The following DPP9 variants were observed in gnomAD, a reference collection of about 807,000 sequenced individuals.
DPP9 encodes the protein dipeptidyl peptidase IV-related protein-2.
In DPP9, 50 loss-of-function variants were observed where a neutral mutation model predicts 110.7. The observed-to-expected ratio is 0.45, with a 90% confidence interval of 0.36 to 0.57. DPP9 has a LOEUF of 0.57. DPP9 is among the 20% of genes least tolerant of loss of function. The pLI, the probability that DPP9 is intolerant of heterozygous loss-of-function variation, is 0.00. For synonymous variants in DPP9, 561 were observed against 514.4 expected (o/e 1.09, Z -1.23); for missense variants, 1,022 against 1,217.9 (o/e 0.84, Z 2.39).
At chr19:4,722,628 G>A in intron 1 of DPP9, 77 bp from the exon 2 acceptor site, 7 of 698,674 alleles carry the variant, frequency 1.0e-5, no homozygotes, top group South Asian at 9.0e-5. Flanking sequence ...CCCCACTCAG[G>A]AGCTGCAGAC....
intron 7 of DPP9, among the ~76,000 whole-genome samples, chr19:4,703,488 T>C (rs1042802194): frequency 6.9e-6 from 1 of 145,982 alleles, no homozygotes; most frequent in Non-Finnish European, 1.5e-5. Context: ...AAAAAAAAAT[T>C]AGCCAGGCGT....
chr19:4,703,393 G>A (rs550612704), intron 7 of DPP9, among the ~76,000 whole-genome samples: 3 of 151,932 alleles, frequency 2.0e-5, no homozygotes, highest in African/African-American at 7.2e-5. Context: ...GGGAGGCCGA[G>A]GCAGGTAGAT....
intron 1 of DPP9, among the ~76,000 whole-genome samples, 167 bp downstream of exon 1, chr19:4,723,507 G>A (rs528955813): frequency 2.0e-5 from 3 of 152,332 alleles, no homozygotes; most frequent in Admixed American, 6.5e-5. Flanking sequence ...GGGGCGGAGA[G>A]GAAACGAGGC....
In DPP9 at chr19:4,694,345, T is replaced by C. The variant is rs1346125809; in HGVS notation, c.1516+316A>G. On this transcript the variant is annotated intron_variant, in intron 13 of 21. Transcript: ENST00000262960. This position sits in a 1 kb window ranked among gnomAD's most constrained non-coding sequence, Gnocchi z 4.0. ...ACAAGTGGCTGTGGCTCAGTGCCAA[T>C]AAAACTTTATTTATGAACACAGGTG... is the stretch of plus-strand genomic sequence containing the variant. 5 of 490,058 alleles carry C rather than the reference T, an allele frequency of 1.0e-5. No individual in the cohort carries two copies. Among genetic ancestry groups the C allele is most frequent in the East Asian group, 9.6e-5 (3 of 31,362 alleles). The allele number at this position is 490,058 out of a possible 1,614,324, so 30.4% of individuals were successfully genotyped here.
At chr19:4,714,020 A>T in intron 4 of DPP9, 61 bp downstream of exon 4, 1 of 1,531,774 alleles carries the variant, frequency 6.5e-7, no homozygotes, top group East Asian at 2.3e-5. Context: ...AACAGAGAGG[A>T]CCAGGGAACT....
Position 4,685,921 on chromosome 19 carries a change from T to G in DPP9, c.1886-150A>C. On this transcript the variant is annotated intron_variant, in intron 16 of 21. Coordinates refer to ENST00000262960, the MANE Select transcript of DPP9 (RefSeq NM_139159.5). The surrounding 1 kb of genome is among the most constrained non-coding windows in gnomAD (Gnocchi z 5.8). Reference sequence around the variant, plus strand: ...CGAGAGTTGATAATTGAAAAAAACGTTTTTTTTTCATTAAATAAGATTTGT... The same window carrying G: ...CGAGAGTTGATAATTGAAAAAAACGGTTTTTTTTCATTAAATAAGATTTGT... 1 of 837,498 alleles carries G rather than the reference T, an allele frequency of 1.2e-6. No individual in the cohort carries two copies. The highest frequency in any genetic ancestry group is 1.9e-5 in the South Asian group (1 of 53,690). The allele number at this position is 837,498 out of a possible 1,614,324, so 51.9% of individuals were successfully genotyped here. A position where few individuals can be genotyped will look rare whatever the true frequency, so the allele number is the denominator to read the frequency against.
intron 4 of DPP9, 128 bp downstream of exon 4, chr19:4,713,953 A>C: frequency 2.2e-6 from 3 of 1,336,650 alleles, no homozygotes; most frequent in African/African-American, 1.5e-5. Context: ...CTCGAAGGAC[A>C]GCATGCCCAG....
intron 3 of DPP9, chr19:4,717,911 A>C (rs2093153954): frequency 1.3e-5 from 2 of 152,222 alleles, no homozygotes; most frequent in African/African-American, 4.8e-5. Flanking sequence ...GGGAGTCAAG[A>C]GTTTACACAG....
At chr19:4,709,448 G>A (rs1299008177) in intron 4 of DPP9, among the ~76,000 whole-genome samples, 1 of 152,202 alleles carries the variant, frequency 6.6e-6, no homozygotes, top group East Asian at 1.9e-4. Flanking sequence ...CGGAGACTCA[G>A]GGGTGAGCAA....
intron 3 of DPP9, among the ~76,000 whole-genome samples, chr19:4,716,721 C>T (rs140622802): frequency 6.6e-6 from 1 of 152,184 alleles, no homozygotes; most frequent in African/African-American, 2.4e-5. Context: ...TGTGACAGCC[C>T]ATTCTACAGG....
At position 4,694,460 on chromosome 19, in the gene DPP9, G is replaced by A; in HGVS notation, c.1516+201C>T. The stretch of plus-strand genomic sequence containing the variant: ...AGGGGAGGTGCTCAGTAAATCTGCT[G>A]CCTGAATAAGCCAACAGTTGGGTGC... On this transcript the variant is annotated intron_variant, in intron 13 of 21. Transcript: ENST00000262960. This position sits in a 1 kb window ranked among gnomAD's most constrained non-coding sequence, Gnocchi z 4.0. 2 of 672,214 alleles carry A rather than the reference G, an allele frequency of 3.0e-6. No individual in the cohort carries two copies. The highest frequency in any genetic ancestry group is 4.9e-6 in the Non-Finnish European group (2 of 405,688). 41.6% of individuals were successfully genotyped at this position (672,214 alleles called of 1,614,324 possible).
At position 4,700,172 on chromosome 19, in the gene DPP9, C is replaced by G; in HGVS notation, c.1074+44G>C. On this transcript the variant is annotated intron_variant, in intron 10 of 21. Transcript: ENST00000262960. This position sits in a 1 kb window ranked among gnomAD's most constrained non-coding sequence, Gnocchi z 4.3. ...CCCAGCTGCCTACCCGGCCCTTCCC[C>G]GCATCATCTAGTAGATTATCTGGTA... 1 of 1,472,442 alleles carries G rather than the reference C, an allele frequency of 6.8e-7. No individual in the cohort carries two copies. Among genetic ancestry groups the G allele is most frequent in the Non-Finnish European group, 9.2e-7 (1 of 1,086,446 alleles). 91.2% of individuals were successfully genotyped at this position (1,472,442 alleles called of 1,614,324 possible).
chr19:4,680,417 A>T (rs1455231109), intron 20 of DPP9, among the ~76,000 whole-genome samples: 5 of 151,176 alleles, frequency 3.3e-5, no homozygotes, highest in Admixed American at 6.6e-5. Context: ...AATTAGAAAA[A>T]CAAAAACAAA....
chr19:4,682,706 G>A lies in DPP9; in HGVS notation c.2464C>T (p.Leu822=). 1.9e-6 allele frequency: 3 copies of A among 1,609,940 alleles called. No individual in the cohort carries two copies. The highest frequency in any genetic ancestry group is 2.5e-6 in the Non-Finnish European group (3 of 1,178,488). ...GGGCAGTGGCCTTACTCATTGGGCA[G>A]CTTCTCCACGTGCAGGGCCACGGAA... ...AGSVALHVEK[L]PNEPNRLLIL... is the part of the protein sequence containing the mutation. The change falls in exon 20 of 22, where the codon CTG becomes TTG. Residue 822 remains leucine (L), a synonymous_variant. Coordinates refer to ENST00000262960, the MANE Select transcript of DPP9 (RefSeq NM_139159.5). This position sits in a 1 kb window ranked among gnomAD's most constrained non-coding sequence, Gnocchi z 7.1.
Position 4,684,519 on chromosome 19 carries a change from G to C in DPP9, c.2178+144C>G. On this transcript the variant is annotated intron_variant, in intron 18 of 21. Transcript: ENST00000262960. This position sits in a 1 kb window ranked among gnomAD's most constrained non-coding sequence, Gnocchi z 4.8. Reference sequence around the variant, plus strand: ...ACATCCCCTTTTGTTCTAAAAGGGCGCCTCATTGAGCCTGCGTCACCCCAG... The same window carrying C: ...ACATCCCCTTTTGTTCTAAAAGGGCCCCTCATTGAGCCTGCGTCACCCCAG... The C allele has an allele frequency of 1.2e-6, 1 of 857,568 alleles. No homozygotes were observed. Among genetic ancestry groups the C allele is most frequent in the South Asian group, 1.8e-5 (1 of 56,328 alleles). The allele number at this position is 857,568 out of a possible 1,614,324, so 53.1% of individuals were successfully genotyped here.
At position 4,698,238 on chromosome 19, in the gene DPP9, T is replaced by C. The variant is rs2091963479; in HGVS notation, c.1075-587A>G. Among the ~76,000 whole-genome samples, 1 of 152,122 alleles carries C rather than the reference T, an allele frequency of 6.6e-6. No individual in the cohort carries two copies. Among genetic ancestry groups the C allele is most frequent in the African/African-American group, 2.4e-5 (1 of 41,430 alleles). The stretch of plus-strand genomic sequence containing the variant: ...TGCTTAAACAGGGCTGGCACGGCGT[T>C]TCCAGGGTATTGAGAGATAGGGGAC... On this transcript the variant is annotated intron_variant, in intron 10 of 21. Coordinates refer to ENST00000262960, the MANE Select transcript of DPP9 (RefSeq NM_139159.5). This position sits in a 1 kb window ranked among gnomAD's most constrained non-coding sequence, Gnocchi z 4.2.
intron 8 of DPP9, 65 bp from the exon 9 acceptor site, chr19:4,702,220 C>A: frequency 6.5e-7 from 1 of 1,536,664 alleles, no homozygotes; most frequent in Non-Finnish European, 8.8e-7. Context: ...ATCAGCACCC[C>A]CCGCCCCCTG....
At chr19:4,677,870 C>A (rs999140604) in intron 21 of DPP9, among the ~76,000 whole-genome samples, 3 of 152,218 alleles carry the variant, frequency 2.0e-5, no homozygotes, top group African/African-American at 7.2e-5. Context: ...AGACCAAGCC[C>A]AAGGCCCGGC....
chr19:4,699,353 C>A (rs1025882175), intron 10 of DPP9, among the ~76,000 whole-genome samples: 41 of 151,990 alleles, frequency 2.7e-4, no homozygotes, highest in African/African-American at 9.4e-4. Context: ...CTGCCCCAGC[C>A]TCTTTGGCCC....
Sources: allele counts gnomAD v4.1 joint callset (sites outside exome capture counted in the v4.1 genomes callset), GRCh38; gene constraint gnomAD v4.1.1; non-coding constraint Gnocchi (gnomAD v3.1); transcripts MANE v1.5; gene names NCBI Gene and HGNC (gene_info 2026-07-23, HGNC 2026-07-21).